Variants in SEMA6A observed in about 807,000 individuals in gnomAD.
The protein encoded by SEMA6A is semaphorin-6A.
SEMA6A carries 25 observed loss-of-function variants against 96.8 expected under a neutral mutation model. That is an observed-to-expected ratio of 0.26 (90% CI 0.19 to 0.36). The LOEUF is 0.36. SEMA6A is among the 10% of genes least tolerant of loss of function. SEMA6A has a pLI of 1.00. For synonymous variants in SEMA6A, 612 were observed against 518.0 expected (o/e 1.18, Z -2.46); for missense variants, 1,363 against 1,323.1 (o/e 1.03, Z -0.47).
At chr5:116,552,937 A>C (rs1180867662) in intron 1 of SEMA6A, among the ~76,000 whole-genome samples, 1 of 152,184 alleles carries the variant, frequency 6.6e-6, no homozygotes, top group Middle Eastern at 3.2e-3. Context: ...CTCCAGGAGA[A>C]AAGCATCTTC....
At chr5:116,476,745 T>G (rs1318731159) in intron 15 of SEMA6A, among the ~76,000 whole-genome samples, 3 of 152,226 alleles carry the variant, frequency 2.0e-5, no homozygotes, top group African/African-American at 2.4e-5. Flanking sequence ...CTCACCATGC[T>G]TTGTGATCCT....
At position 116,501,502 on chromosome 5, in the gene SEMA6A, T is replaced by C. The variant is rs762540991; in HGVS notation, c.218+708A>G. On this transcript the variant is annotated intron_variant, in intron 3 of 18. Coordinates refer to ENST00000343348, the MANE Select transcript of SEMA6A (RefSeq NM_020796.5). ...GTGATGATATAGATTATCAATGATA[T>C]ATATGTTAACTGCAAAAATACAAAT... 4.6e-5 allele frequency among the ~76,000 whole-genome samples: 7 copies of C among 152,234 alleles called. No homozygotes were observed. The South Asian group carries it at 6.2e-4, about 14-fold the overall frequency.
chr5:116,489,483 AAG>A (rs1367143639), intron 7 of SEMA6A, among the ~76,000 whole-genome samples: 1 of 152,180 alleles, frequency 6.6e-6, no homozygotes, highest in Non-Finnish European at 1.5e-5. Flanking sequence ...AGAGAAGTTG[AAG>A]AGAGAGGGTT....
intron 1 of SEMA6A, among the ~76,000 whole-genome samples, chr5:116,522,414 T>C (rs1178881842): frequency 2.6e-5 from 4 of 152,144 alleles, no homozygotes; most frequent in Non-Finnish European, 5.9e-5. Flanking sequence ...GGTCAGCCAA[T>C]AGAAATATTC....
chr5:116,501,875 C>T (rs879556795), intron 3 of SEMA6A, among the ~76,000 whole-genome samples: 8 of 152,060 alleles, frequency 5.3e-5, no homozygotes, highest in Non-Finnish European at 7.4e-5. Context: ...CAACAAAGAA[C>T]GAAAACTCCA....
At chr5:116,478,760 A>G (rs765407020) in intron 12 of SEMA6A, 42 bp from the exon 13 acceptor site, 6 of 1,586,998 alleles carry the variant, frequency 3.8e-6, no homozygotes, top group African/African-American at 2.7e-5. Context: ...TTGTTGGTCT[A>G]TCATTAAAGT....
chr5:116,560,186 C>T (rs1488554754), intron 1 of SEMA6A, among the ~76,000 whole-genome samples: 1 of 152,182 alleles, frequency 6.6e-6, no homozygotes, highest in Non-Finnish European at 1.5e-5. Flanking sequence ...CTTCCTCCTT[C>T]AATGGAGCCC....
intron 1 of SEMA6A, among the ~76,000 whole-genome samples, chr5:116,556,476 C>A (rs188544436): frequency 2.2e-4 from 33 of 152,178 alleles, no homozygotes; most frequent in African/African-American, 7.9e-4. Flanking sequence ...GTTTATGTAC[C>A]AGACATCATT....
intron 1 of SEMA6A, among the ~76,000 whole-genome samples, chr5:116,507,293 G>T (rs1183729877): frequency 6.6e-6 from 1 of 152,146 alleles, no homozygotes; most frequent in Non-Finnish European, 1.5e-5. Flanking sequence ...ATTTTCTTCA[G>T]TTGAAGTTTT....
chr5:116,467,601 T>G lies in SEMA6A; in HGVS notation c.1876A>C (p.Asn626His). Residue 626 changes from asparagine to histidine, a missense_variant, in exon 18 of 19, where the codon AAT becomes CAT. Around this residue, in one of 2 missense-constraint regions of SEMA6A, gnomAD observed 883 missense variants for 763.6 expected, o/e 1.16. Transcript: ENST00000343348. ...GCCTTACCCTTCTTGTCTTGGTGAT[T>G]ATGGGAAGACACTGCCCCCAAAGGG... is the stretch of plus-strand genomic sequence containing the variant. ...TDPLGAVSSHNHQDKKGVIRE... is the reference protein window; with the variant it reads ...TDPLGAVSSHHHQDKKGVIRE... The G allele has an allele frequency of 6.2e-7, 1 of 1,612,706 alleles. No homozygotes were observed. Among genetic ancestry groups the G allele is most frequent in the Non-Finnish European group, 8.5e-7 (1 of 1,179,486 alleles).
intron 1 of SEMA6A, among the ~76,000 whole-genome samples, chr5:116,513,366 A>G (rs985078543): frequency 6.6e-6 from 1 of 152,112 alleles, no homozygotes; most frequent in African/African-American, 2.4e-5. Context: ...ACCTCAGGTG[A>G]TCTGCCCGCC....
At position 116,446,552 on chromosome 5, in the gene SEMA6A, T is replaced by A. The variant is rs1754220857; in HGVS notation, c.*61A>T. The A allele has an allele frequency of 7.2e-7, 1 of 1,389,436 alleles. No homozygotes were observed. The highest frequency in any genetic ancestry group is 1.5e-5 in the South Asian group (1 of 64,564). The allele number at this position is 1,389,436 out of a possible 1,614,324, so 86.1% of individuals were successfully genotyped here. A position where few individuals can be genotyped will look rare whatever the true frequency, so the allele number is the denominator to read the frequency against. On this transcript the variant is annotated 3_prime_UTR_variant, in exon 19 of 19. Transcript: ENST00000343348. ...TACTCGAGGCAGTTGAGAACCTTGC[T>A]GAGCTGAGCGGGCACCTCGCCTTGC... is the stretch of plus-strand genomic sequence containing the variant.
chr5:116,446,549 T>C lies in SEMA6A; in HGVS notation c.*64A>G, dbSNP rs1754220517. 7.3e-7 allele frequency: 1 copy of C among 1,374,832 alleles called. No homozygotes were observed. The highest frequency in any genetic ancestry group is 2.5e-5 in the East Asian group (1 of 39,490). The allele number at this position is 1,374,832 out of a possible 1,614,324, so 85.2% of individuals were successfully genotyped here. ...GGGTACTCGAGGCAGTTGAGAACCT[T>C]GCTGAGCTGAGCGGGCACCTCGCCT... On this transcript the variant is annotated 3_prime_UTR_variant, in exon 19 of 19. Transcript: ENST00000343348.
intron 1 of SEMA6A, 113 bp from the exon 2 acceptor site, chr5:116,505,095 T>C (rs1483533642): frequency 8.7e-6 from 5 of 575,470 alleles, no homozygotes; most frequent in African/African-American, 3.7e-5. Flanking sequence ...CTTTACATCT[T>C]CTACATGGTA....
chr5:116,527,974 A>G (rs975792935), intron 1 of SEMA6A, among the ~76,000 whole-genome samples: 23 of 152,208 alleles, frequency 1.5e-4, no homozygotes, highest in Admixed American at 1.4e-3. Flanking sequence ...AAGGAAAACA[A>G]TACAGGTTTT....
At position 116,574,546 on chromosome 5, in the gene SEMA6A, C is replaced by A. The variant is rs1225612431; in HGVS notation, c.-400G>T. 6.7e-6 allele frequency: 1 copy of A among 150,302 alleles called. No homozygotes were observed. The highest frequency in any genetic ancestry group is 2.5e-5 in the African/African-American group (1 of 40,674). The allele number at this position is 150,302 out of a possible 1,614,324, so 9.3% of individuals were successfully genotyped here. ...CCACTTGGATTCCACTTCGGTGAGT[C>A]CCCTTGGTGGTGTCTGCGCCGATTA... On this transcript the variant is annotated 5_prime_UTR_variant, in exon 1 of 19. Coordinates refer to ENST00000343348, the MANE Select transcript of SEMA6A (RefSeq NM_020796.5).
intron 9 of SEMA6A, 129 bp downstream of exon 9, chr5:116,487,979 G>T: frequency 1.8e-6 from 1 of 545,098 alleles, no homozygotes; most frequent in Non-Finnish European, 3.3e-6. Context: ...CAGCAGATAG[G>T]GCCTCCAGAC....
At chr5:116,480,383 C>A in intron 11 of SEMA6A, 106 bp from the exon 12 acceptor site, 1 of 1,354,618 alleles carries the variant, frequency 7.4e-7, no homozygotes, top group Non-Finnish European at 1.0e-6. Context: ...GGAGAATGTA[C>A]TGCAGCCTGA....
chr5:116,461,610 T>G (rs1755401415), intron 18 of SEMA6A, among the ~76,000 whole-genome samples: 3 of 152,198 alleles, frequency 2.0e-5, no homozygotes, highest in African/African-American at 7.2e-5. Context: ...GCTACAATAT[T>G]GGTACTGAGG....
Sources: gnomAD v4.1 joint callset for allele counts (sites outside exome capture counted in the v4.1 genomes callset) on GRCh38, gnomAD v4.1.1 for gene constraint, gnomAD v4.1.1 regional missense constraint, MANE v1.5 for transcripts, NCBI Gene and HGNC (gene_info 2026-07-23, HGNC 2026-07-21) for gene names.